TRMT11: variants seen among roughly 807,000 people sequenced by gnomAD.
TRMT11 encodes the protein tRNA methyltransferase 11.
TRMT11 carries 53 observed loss-of-function variants against 62.8 expected under a neutral mutation model. That is an observed-to-expected ratio of 0.84 (90% CI 0.68 to 1.06). The LOEUF (loss-of-function observed/expected upper bound fraction) is 1.06, where lower values mean the gene tolerates loss of function less well. Among genes scored for constraint, TRMT11 ranks in the 50% least tolerant of loss-of-function variants. TRMT11 has a pLI of 0.00. For synonymous variants in TRMT11, 188 were observed against 190.3 expected (o/e 0.99, Z 0.10); for missense variants, 556 against 553.4 (o/e 1.00, Z -0.05).
intron 8 of TRMT11, among the ~76,000 whole-genome samples, chr6:126,010,400 T>G (rs1794001759): frequency 6.6e-6 from 1 of 152,074 alleles, no homozygotes; most frequent in Non-Finnish European, 1.5e-5. Context: ...CTTTGAGCAC[T>G]TCTCCGTCAC....
At chr6:126,010,922 C>T (rs34513033) in intron 8 of TRMT11, among the ~76,000 whole-genome samples, 1 of 152,114 alleles carries the variant, frequency 6.6e-6, no homozygotes, top group Admixed American at 6.6e-5. Flanking sequence ...TATCTCTACA[C>T]AGGACTGTTT....
intron 17 of TRMT11, among the ~76,000 whole-genome samples, chr6:126,103,878 G>A (rs1193650371): frequency 6.6e-6 from 1 of 152,156 alleles, no homozygotes; most frequent in Non-Finnish European, 1.5e-5. Context: ...TTGATTGGAA[G>A]CAAGTCACAA....
At chr6:126,222,858 T>G in the TRMT11 span, among the ~76,000 whole-genome samples, 1 of 151,516 alleles carries the variant, frequency 6.6e-6, no homozygotes, top group Non-Finnish European at 1.5e-5. Flanking sequence ...GATTTGATCC[T>G]GACATCTTGT....
the TRMT11 span, among the ~76,000 whole-genome samples, chr6:126,257,452 A>T: frequency 6.6e-4 from 101 of 152,122 alleles, 1 homozygote; most frequent in African/African-American, 2.1e-3. Flanking sequence ...ATATTGGCCT[A>T]TAGTTTTCTT....
intron 17 of TRMT11, among the ~76,000 whole-genome samples, chr6:126,055,577 A>T (rs1342628572): frequency 6.6e-6 from 1 of 152,238 alleles, no homozygotes; most frequent in Non-Finnish European, 1.5e-5. Flanking sequence ...AAACAAGACT[A>T]TACCACTTTC....
chr6:126,093,254 A>T (rs1024354371), intron 17 of TRMT11, among the ~76,000 whole-genome samples: 1 of 152,020 alleles, frequency 6.6e-6, no homozygotes, highest in African/African-American at 2.4e-5. Flanking sequence ...TTAACTTAGC[A>T]TATTAACTCT....
intron 1 of TRMT11, chr6:125,986,905 C>G (rs560445706): frequency 2.2e-6 from 1 of 449,762 alleles, no homozygotes; most frequent in Non-Finnish European, 3.9e-6. Flanking sequence ...CATCTCACTC[C>G]CGGAGCTCTT....
intron 21 of TRMT11, among the ~76,000 whole-genome samples, chr6:126,117,775 G>A (rs896739660): frequency 2.6e-5 from 4 of 152,070 alleles, no homozygotes; most frequent in African/African-American, 9.7e-5. Flanking sequence ...AGAAAACACT[G>A]AATAGTAGAA....
intron 1 of TRMT11, among the ~76,000 whole-genome samples, chr6:126,186,098 A>G (rs564290093): frequency 1.3e-5 from 2 of 152,288 alleles, no homozygotes; most frequent in East Asian, 3.9e-4. Context: ...CTTTATTTCC[A>G]AAGCTTTACT....
chr6:126,174,838 G>A (rs1778367326), upstream of TRMT11, among the ~76,000 whole-genome samples: 1 of 152,216 alleles, frequency 6.6e-6, no homozygotes, highest in Non-Finnish European at 1.5e-5. Context: ...AAAAGACAGT[G>A]AGAGAGCAAG....
At chr6:126,221,357 A>G in the TRMT11 span, among the ~76,000 whole-genome samples, 1 of 152,122 alleles carries the variant, frequency 6.6e-6, no homozygotes, top group African/African-American at 2.4e-5. Context: ...ACAGTGGCTG[A>G]ACTTTACATT....
intron 21 of TRMT11, among the ~76,000 whole-genome samples, chr6:126,157,655 T>C (rs912466121): frequency 6.6e-5 from 10 of 152,224 alleles, no homozygotes; most frequent in African/African-American, 2.4e-4. Flanking sequence ...AGATTAATCA[T>C]CCAGTACATC....
chr6:126,231,548 A>T, the TRMT11 span, among the ~76,000 whole-genome samples: 1 of 152,158 alleles, frequency 6.6e-6, no homozygotes, highest in Non-Finnish European at 1.5e-5. Context: ...GGGGAGTCAA[A>T]AGTTATTTGC....
At chr6:125,994,637 A>G (rs1442356992) in intron 2 of TRMT11, among the ~76,000 whole-genome samples, 2 of 152,262 alleles carry the variant, frequency 1.3e-5, no homozygotes, top group African/African-American at 2.4e-5. Context: ...AAGTCATTCT[A>G]TTATAAAGAT....
At chr6:126,243,963 G>A in the TRMT11 span, among the ~76,000 whole-genome samples, 17 of 152,106 alleles carry the variant, frequency 1.1e-4, 1 homozygote, top group Non-Finnish European at 1.6e-4. Context: ...AAAAGCATAG[G>A]TAAATATCAC....
At chr6:126,125,853 T>TAA (rs144959600) in intron 21 of TRMT11, among the ~76,000 whole-genome samples, 323 of 151,856 alleles carry the variant, frequency 2.1e-3, no homozygotes, top group Non-Finnish European at 3.5e-3. Context: ...GATGAAATGT[T>TAA]AAAAAAAATT....
chr6:126,069,987 G>A (rs1030302268), intron 17 of TRMT11, among the ~76,000 whole-genome samples: 4 of 151,960 alleles, frequency 2.6e-5, no homozygotes, highest in African/African-American at 9.7e-5. Flanking sequence ...CTGGTCTCCC[G>A]GGGAGGGTTT....
At chr6:126,154,969 C>A (rs2128224887) in intron 21 of TRMT11, among the ~76,000 whole-genome samples, 1 of 152,270 alleles carries the variant, frequency 6.6e-6, no homozygotes, top group South Asian at 2.1e-4. Context: ...GTCCATGGGG[C>A]CTTCCATTTT....
chr6:126,039,735 T>G (rs554745436), downstream of TRMT11, among the ~76,000 whole-genome samples: 2 of 152,196 alleles, frequency 1.3e-5, no homozygotes, highest in Admixed American at 1.3e-4. Flanking sequence ...CTTTCTTGCC[T>G]TTGGTGGTCA....
Sources: gnomAD v4.1 joint callset for allele counts (sites outside exome capture counted in the v4.1 genomes callset) on GRCh38, gnomAD v4.1.1 for gene constraint, MANE v1.5 for transcripts, NCBI Gene and HGNC (gene_info 2026-07-23, HGNC 2026-07-21) for gene names.